The following DLGAP1 variants were observed in gnomAD, a reference collection of about 807,000 sequenced individuals.
DLGAP1 encodes the protein disks large-associated protein 1.
In DLGAP1, 11 loss-of-function variants were observed where a neutral mutation model predicts 90.8. The observed-to-expected ratio is 0.12, with a 90% CI of 0.08 to 0.20. DLGAP1 has a LOEUF of 0.20. DLGAP1 is among the 10% of genes least tolerant of loss of function. The pLI is 1.00. For missense variants in DLGAP1, 1,050 were observed against 1,333.8 expected (o/e 0.79, Z 3.31); for synonymous variants, 558 against 540.7 (o/e 1.03, Z -0.44).
Position 3,879,866 on chromosome 18 carries a change from C to T in DLGAP1, c.203G>A (p.Ser68Asn). 5.0e-6 allele frequency: 8 copies of T among 1,610,462 alleles called. No individual in the cohort carries two copies. Among genetic ancestry groups the T allele is most frequent in the Non-Finnish European group, 6.8e-6 (8 of 1,179,462 alleles). Reference protein sequence around the residue: ...VGPFSDPLASSTFPRRHYTSQ... With the variant: ...VGPFSDPLASNTFPRRHYTSQ... ...GGTGTAGTGCCTGCGGGGGAAGGTG[C>T]TGCTGGCCAGCGGGTCGCTGAAGGG... The change falls in exon 4 of 13, where the codon AGC (serine) becomes AAC (asparagine). Residue 68 changes from serine (S) to asparagine (N), a missense_variant. Coordinates refer to ENST00000315677, the MANE Select transcript of DLGAP1 (RefSeq NM_004746.4). The surrounding 1 kb of genome is among the most constrained non-coding windows in gnomAD (Gnocchi z 6.6).
intron 7 of DLGAP1, among the ~76,000 whole-genome samples, chr18:3,676,821 G>C (rs1244293377): frequency 1.3e-5 from 2 of 151,900 alleles, no homozygotes; most frequent in Non-Finnish European, 2.9e-5. Context: ...AAATTCAACA[G>C]GGTAGTCACT....
At position 4,140,693 on chromosome 18, in the gene DLGAP1, G is replaced by A. The variant is rs187209086; in HGVS notation, c.-159+10487C>T. Among the ~76,000 whole-genome samples, 339 of 152,098 alleles carry A rather than the reference G, an allele frequency of 2.2e-3. 1 individual carries two copies. Among genetic ancestry groups the A allele is most frequent in the African/African-American group, 7.1e-3 (296 of 41,544 alleles). On this transcript the variant is annotated intron_variant, in intron 2 of 12. Coordinates refer to ENST00000315677, the MANE Select transcript of DLGAP1 (RefSeq NM_004746.4). ...CAAAGTCCTTTTCTTTTGGATTAAA[G>A]TACTCCCTTTAGCATTTCTTGTAAG...
At chr18:3,673,596 G>C (rs2060177342) in intron 7 of DLGAP1, among the ~76,000 whole-genome samples, 1 of 152,204 alleles carries the variant, frequency 6.6e-6, no homozygotes, top group Non-Finnish European at 1.5e-5. Context: ...GCCCAGGCTG[G>C]AGTGCAGTGG....
intron 1 of DLGAP1, among the ~76,000 whole-genome samples, chr18:4,353,458 G>C (rs1322745257): frequency 6.6e-6 from 1 of 152,176 alleles, no homozygotes; most frequent in African/African-American, 2.4e-5. Flanking sequence ...CCATTCCCAG[G>C]AGATTGCAAC....
chr18:4,076,472 G>A (rs1325562965), intron 2 of DLGAP1, among the ~76,000 whole-genome samples: 2 of 152,058 alleles, frequency 1.3e-5, no homozygotes, highest in Non-Finnish European at 2.9e-5. Flanking sequence ...AAAATAAAGG[G>A]TTTGCATCCT....
intron 10 of DLGAP1, among the ~76,000 whole-genome samples, chr18:3,514,715 CATA>C (rs1288468498): frequency 6.6e-6 from 1 of 152,108 alleles, no homozygotes. Context: ...TGTGTCATAG[CATA>C]ATGTCACAAA....
chr18:4,062,919 A>G (rs1468697523), intron 2 of DLGAP1, among the ~76,000 whole-genome samples: 1 of 152,122 alleles, frequency 6.6e-6, no homozygotes, highest in Admixed American at 6.6e-5. Context: ...GCTCCATATA[A>G]TCCTTAGTGA....
At chr18:4,187,136 C>T (rs1438726950) in intron 1 of DLGAP1, among the ~76,000 whole-genome samples, 1 of 152,120 alleles carries the variant, frequency 6.6e-6, no homozygotes, top group Non-Finnish European at 1.5e-5. Flanking sequence ...TGTTTATCAG[C>T]TTAAAGAGCT....
rs145997274 is a variant in DLGAP1 at position 4,270,099 on chromosome 18, C to T, written c.-266-118812G>A. On this transcript the variant is annotated intron_variant, in intron 1 of 12. Coordinates refer to ENST00000315677, the MANE Select transcript of DLGAP1 (RefSeq NM_004746.4). ...GTTTTTGACAAAATGGCTCAAGTTC[C>T]TCTTATTAAAGAACCGGATCTCTCT... Among the ~76,000 whole-genome samples, 144 of 152,282 alleles carry T rather than the reference C, an allele frequency of 9.5e-4. No homozygotes were observed. The Middle Eastern group carries it at 0.01, about 11-fold the overall frequency.
intron 8 of DLGAP1, chr18:3,580,094 G>A (rs545426350): frequency 1.2e-6 from 1 of 838,536 alleles, no homozygotes; most frequent in East Asian, 2.4e-5. Flanking sequence ...GAATTATCCT[G>A]CAGCTTGAGT....
intron 7 of DLGAP1, chr18:3,708,474 C>G: frequency 2.2e-6 from 1 of 456,598 alleles, no homozygotes; most frequent in South Asian, 1.5e-5. Context: ...CCCTAGCGCC[C>G]AGGATTCCAG....
chr18:3,892,167 A>AC (rs2071486665), intron 3 of DLGAP1, among the ~76,000 whole-genome samples: 1 of 118,760 alleles, frequency 8.4e-6, no homozygotes, highest in Non-Finnish European at 1.8e-5. Context: ...ACACACACAC[A>AC]GTCTTTCATA....
chr18:3,560,623 AATTAAATGAGCACTGGCAGCAAGCTGCAC>A lies in DLGAP1; in HGVS notation c.2057+6838_2057+6866del, dbSNP rs1216303332. Among the ~76,000 whole-genome samples the A allele has an allele frequency of 2.0e-5, 3 of 150,288 alleles. 1 individual carries two copies. Among genetic ancestry groups the A allele is most frequent in the African/African-American group, 7.5e-5 (3 of 39,978 alleles). On this transcript the variant is annotated intron_variant, in intron 9 of 12. Coordinates refer to ENST00000315677, the MANE Select transcript of DLGAP1 (RefSeq NM_004746.4). ...AAAAAAAAAAAGCATGTTTATGTAA[AATTAAATGAGCACTGGCAGCAAGCTGCAC>A]ATTTTTTTCTAAATGGGAAAAGGGT...
chr18:4,351,922 C>T (rs938178868), intron 1 of DLGAP1, among the ~76,000 whole-genome samples: 5 of 152,126 alleles, frequency 3.3e-5, no homozygotes, highest in Non-Finnish European at 4.4e-5. Context: ...AAAAGCAACA[C>T]GTAGTTTTTC....
intron 1 of DLGAP1, among the ~76,000 whole-genome samples, chr18:4,344,937 A>C (rs899634128): frequency 6.6e-6 from 1 of 152,180 alleles, no homozygotes; most frequent in Non-Finnish European, 1.5e-5. Flanking sequence ...ATAAATGTGC[A>C]TTTCAAGAGA....
In DLGAP1 at chr18:3,660,107, T is replaced by C. The variant is rs1332696307; in HGVS notation, c.1591+69028A>G. ...CTCAGAGAGTCTTCCTTGATTACTA[T>C]ATTTAGAGCAGGCCAGAAATAACTC... On this transcript the variant is annotated intron_variant, in intron 7 of 12. Coordinates refer to ENST00000315677, the MANE Select transcript of DLGAP1 (RefSeq NM_004746.4). This position sits in a 1 kb window ranked among gnomAD's most constrained non-coding sequence, Gnocchi z 4.2. 2.6e-5 allele frequency among the ~76,000 whole-genome samples: 4 copies of C among 152,240 alleles called. No individual in the cohort carries two copies. Among genetic ancestry groups the C allele is most frequent in the African/African-American group, 9.6e-5 (4 of 41,466 alleles).
intron 9 of DLGAP1, among the ~76,000 whole-genome samples, chr18:3,545,436 A>G (rs1044361378): frequency 1.3e-5 from 2 of 152,238 alleles, no homozygotes; most frequent in Non-Finnish European, 2.9e-5. Context: ...AAACCCAAAC[A>G]TATCAACAGT....
chr18:4,254,022 C>G (rs748019231), intron 1 of DLGAP1, among the ~76,000 whole-genome samples: 1 of 152,170 alleles, frequency 6.6e-6, no homozygotes, highest in Non-Finnish European at 1.5e-5. Flanking sequence ...TGTTTCCACC[C>G]CTTCCACATA....
At position 3,523,704 on chromosome 18, in the gene DLGAP1, A is replaced by G. The variant is rs373032580; in HGVS notation, c.2479+10490T>C. ...CTACTAAAAATACAAAAAATTAGCC[A>G]GGCGTGGTGGCGTGCGCCCGTAGTC... On this transcript the variant is annotated intron_variant, in intron 10 of 12. Coordinates refer to ENST00000315677, the MANE Select transcript of DLGAP1 (RefSeq NM_004746.4). Among the ~76,000 whole-genome samples the G allele has an allele frequency of 9.3e-4, 141 of 152,106 alleles. 1 individual carries two copies. Among genetic ancestry groups the G allele is most frequent in the South Asian group, 2.7e-3 (13 of 4,826 alleles).
Sources: allele counts gnomAD v4.1 joint callset (sites outside exome capture counted in the v4.1 genomes callset), GRCh38; gene constraint gnomAD v4.1.1; non-coding constraint Gnocchi (gnomAD v3.1); transcripts MANE v1.5; gene names NCBI Gene and HGNC (gene_info 2026-07-23, HGNC 2026-07-21).